CHRNA9: variants seen among roughly 807,000 people sequenced by gnomAD.
CHRNA9 encodes the protein neuronal acetylcholine receptor subunit alpha-9.
Under a neutral mutation model 36.8 loss-of-function variants are expected in CHRNA9, and 24 were observed. That is an observed-to-expected ratio of 0.65 (90% confidence interval 0.47 to 0.92). The LOEUF (loss-of-function observed/expected upper bound fraction) is 0.92. CHRNA9 is among the 40% of genes least tolerant of loss of function. The probability of loss-of-function intolerance (pLI) is 0.00; values close to 1 mark genes in which losing one functional copy is unlikely to be tolerated. For synonymous variants in CHRNA9, 231 were observed against 231.8 expected (o/e 1.00, Z 0.03); for missense variants, 610 against 601.2 (o/e 1.01, Z -0.15).
intron 2 of CHRNA9, among the ~76,000 whole-genome samples, chr4:40,336,562 T>C (rs142651950): frequency 0.07 from 10,622 of 152,152 alleles, 560 homozygotes; most frequent in African/African-American, 0.13. Flanking sequence ...CTGTAAGCTC[T>C]GCCTCCTGGG....
rs1712348913 is a variant in CHRNA9, at chr4:40,337,231, A to T, written c.232A>T (p.Thr78Ser). The stretch of plus-strand genomic sequence containing the variant: ...GTAGGATGAAAGAAACCAAATTCTG[A>T]CTGCTTATTTGTGGATCCGCCAAAT... ...KDMDERNQIL[T>S]AYLWIRQIWH... Residue 78 changes from threonine to serine, a missense_variant, in exon 3 of 5, where the codon ACT becomes TCT. Transcript: ENST00000310169. 3 of 1,614,088 alleles carry T rather than the reference A, an allele frequency of 1.9e-6. No homozygotes were observed. Among genetic ancestry groups the T allele is most frequent in the East Asian group, 4.5e-5 (2 of 44,900 alleles).
intron 4 of CHRNA9, 97 bp downstream of exon 4, chr4:40,349,511 GC>G (rs1161640628): frequency 1.6e-6 from 2 of 1,246,920 alleles, no homozygotes; most frequent in African/African-American, 1.5e-5. Flanking sequence ...AAAAAATGGA[GC>G]CAATTTCGAC....
At chr4:40,337,716 G>T (rs1712369178) in intron 3 of CHRNA9, among the ~76,000 whole-genome samples, 5 of 152,146 alleles carry the variant, frequency 3.3e-5, no homozygotes, top group East Asian at 1.9e-4. Flanking sequence ...AGATGAAGGG[G>T]TTGACAGCGT....
At chr4:40,338,031 T>C (rs1161975682) in intron 3 of CHRNA9, 2 of 152,196 alleles carry the variant, frequency 1.3e-5, no homozygotes, top group Admixed American at 6.5e-5. Context: ...GGGCTAAGAC[T>C]TCAATATGTG....
At chr4:40,343,499 A>C (rs901553488) in intron 3 of CHRNA9, among the ~76,000 whole-genome samples, 1 of 152,156 alleles carries the variant, frequency 6.6e-6, no homozygotes, top group East Asian at 1.9e-4. Flanking sequence ...ACCCGCCCCC[A>C]TGATTCAATT....
At chr4:40,348,512 T>C (rs1712699312) in intron 3 of CHRNA9, among the ~76,000 whole-genome samples, 1 of 152,184 alleles carries the variant, frequency 6.6e-6, no homozygotes, top group South Asian at 2.1e-4. Context: ...GAATATATTA[T>C]TTTAATATTC....
intron 4 of CHRNA9, 64 bp from the exon 5 acceptor site, chr4:40,353,912 AGTG>A: frequency 1.5e-6 from 2 of 1,363,764 alleles, no homozygotes; most frequent in Non-Finnish European, 1.0e-6. Context: ...CCTGTTGTTA[AGTG>A]ACTCGTGGCT....
At chr4:40,341,065 C>T (rs923349248) in intron 3 of CHRNA9, among the ~76,000 whole-genome samples, 1 of 150,212 alleles carries the variant, frequency 6.7e-6, no homozygotes, top group Non-Finnish European at 1.5e-5. Flanking sequence ...TGTAACAGTT[C>T]AAGTAGATAC....
intron 4 of CHRNA9, among the ~76,000 whole-genome samples, chr4:40,351,332 AAAAAAAAAAAATTG>A (rs1255055133): frequency 6.8e-4 from 1 of 1,476 alleles, no homozygotes; most frequent in African/African-American, 1.5e-3. Context: ...ACTTCGTCTC[AAAAAAAAAAAATTG>A]AAAAAAAATA....
intron 3 of CHRNA9, among the ~76,000 whole-genome samples, chr4:40,343,224 G>A (rs561829252): frequency 6.6e-6 from 1 of 152,174 alleles, no homozygotes; most frequent in South Asian, 2.1e-4. Flanking sequence ...ATACAGAAGA[G>A]GAGAGGGGGC....
At chr4:40,335,783 A>ACACAACACTCTGAATG (rs747156948) in intron 1 of CHRNA9, 44 bp from the exon 2 acceptor site, 1 of 1,587,004 alleles carries the variant, frequency 6.3e-7, no homozygotes, top group Non-Finnish European at 8.6e-7. Context: ...CTTGAAATAC[A>ACACAACACTCTGAATG]CACAACACTC....
In CHRNA9 at chr4:40,348,967, A is replaced by T; in HGVS notation, c.451A>T (p.Thr151Ser). ...GATCACCTGGGATGCACCGGCCATC[A>T]CCAAAAGCTCCTGTGTGGTGGATGT... ...GLITWDAPAI[T>S]KSSCVVDVTY... Residue 151 changes from threonine to serine, a missense_variant, in exon 4 of 5, where the codon ACC becomes TCC. Thr to Ser is a moderately conservative substitution (Grantham distance 58). Transcript: ENST00000310169. 6.2e-7 allele frequency: 1 copy of T among 1,614,180 alleles called. No homozygotes were observed.
At chr4:40,337,174 C>A in intron 2 of CHRNA9, 36 bp from the exon 3 acceptor site, 1 of 1,605,280 alleles carries the variant, frequency 6.2e-7, no homozygotes, top group South Asian at 1.1e-5. Context: ...TTTCAAGTGT[C>A]TGCTAGGTAA....
intron 3 of CHRNA9, among the ~76,000 whole-genome samples, chr4:40,340,309 A>C (rs1712462662): frequency 1.3e-5 from 2 of 152,054 alleles, no homozygotes; most frequent in South Asian, 4.1e-4. Flanking sequence ...TGCTCTTGTC[A>C]TGGACAATTC....
chr4:40,349,512 C>A, intron 4 of CHRNA9, 98 bp downstream of exon 4: 2 of 1,190,266 alleles, frequency 1.7e-6, no homozygotes, highest in Non-Finnish European at 1.2e-6. Context: ...AAAAATGGAG[C>A]CAATTTCGAC....
At chr4:40,337,977 C>T (rs1025969774) in intron 3 of CHRNA9, 1 of 152,272 alleles carries the variant, frequency 6.6e-6, no homozygotes, top group Non-Finnish European at 1.5e-5. Context: ...CTAATTACAT[C>T]TTCATGATAC....
At chr4:40,349,577 TA>T in intron 4 of CHRNA9, 163 bp downstream of exon 4, 1 of 636,634 alleles carries the variant, frequency 1.6e-6, no homozygotes, top group Non-Finnish European at 2.7e-6. Context: ...TCTTTCAATA[TA>T]GATGAGCCTT....
At chr4:40,344,423 A>G (rs1712580733) in intron 3 of CHRNA9, among the ~76,000 whole-genome samples, 1 of 151,756 alleles carries the variant, frequency 6.6e-6, no homozygotes, top group South Asian at 2.1e-4. Context: ...AATCCCAGCT[A>G]CTCGGGAGGC....
In CHRNA9 at chr4:40,349,274, T is replaced by C. The variant is rs750843157; in HGVS notation, c.758T>C (p.Phe253Ser). Residue 253 changes from phenylalanine to serine, a missense_variant, in exon 4 of 5, where the codon TTT becomes TCT. By Grantham distance (155) the Phe-to-Ser change is radical (BLOSUM62 -2). Coordinates refer to ENST00000310169, the MANE Select transcript of CHRNA9 (RefSeq NM_017581.4). ...CTCATCCCATGCGTCCTCATATCTT[T>C]TCTGGCTCCTCTGAGTTTTTATCTC... ...NLLIPCVLIS[F>S]LAPLSFYLPA... 5 of 1,614,052 alleles carry C rather than the reference T, an allele frequency of 3.1e-6. No homozygotes were observed. Among genetic ancestry groups the C allele is most frequent in the Non-Finnish European group, 4.2e-6 (5 of 1,180,020 alleles).
Sources: gnomAD v4.1 joint callset for allele counts (sites outside exome capture counted in the v4.1 genomes callset) on GRCh38, gnomAD v4.1.1 for gene constraint, MANE v1.5 for transcripts, NCBI Gene and HGNC (gene_info 2026-07-23, HGNC 2026-07-21) for gene names.